Variants in CDC14A observed in about 807,000 individuals in gnomAD.
The protein encoded by CDC14A is cell division cycle 14A.
A neutral mutation model predicts 74.4 loss-of-function variants in CDC14A; 53 were observed. That is an observed-to-expected ratio of 0.71 (90% CI 0.57 to 0.89). The LOEUF is 0.89. CDC14A is among the 40% of genes least tolerant of loss of function. The probability of loss-of-function intolerance (pLI) is 0.00; values close to 1 mark genes in which losing one functional copy is unlikely to be tolerated. For synonymous variants in CDC14A, 247 were observed against 258.4 expected (o/e 0.96, Z 0.43); for missense variants, 646 against 713.7 (o/e 0.91, Z 1.08).
chr1:100,476,772 A>G (rs960632368), intron 10 of CDC14A, among the ~76,000 whole-genome samples: 11 of 152,178 alleles, frequency 7.2e-5, no homozygotes, highest in African/African-American at 2.4e-4. Context: ...TGGCAGTCTG[A>G]ATAATGTCTC....
intron 8 of CDC14A, among the ~76,000 whole-genome samples, chr1:100,461,546 TG>T (rs28364879): frequency 0.26 from 39,826 of 152,200 alleles, 7,556 homozygotes; most frequent in African/African-American, 0.54. Flanking sequence ...GGGTTACAGA[TG>T]TGGCCATCAG....
intron 15 of CDC14A, among the ~76,000 whole-genome samples, chr1:100,511,442 A>T (rs893336409): frequency 2.0e-5 from 3 of 151,826 alleles, no homozygotes; most frequent in Admixed American, 6.6e-5. Context: ...TAGTCCTTCT[A>T]CTCCTAAGCC....
At chr1:100,454,616 A>C (rs1405172570) in intron 7 of CDC14A, among the ~76,000 whole-genome samples, 1 of 152,178 alleles carries the variant, frequency 6.6e-6, no homozygotes, top group African/African-American at 2.4e-5. Context: ...TTTAGACTAG[A>C]GGCTGATAAC....
intron 4 of CDC14A, among the ~76,000 whole-genome samples, chr1:100,409,236 G>A (rs570662917): frequency 8.7e-4 from 133 of 152,214 alleles, no homozygotes; most frequent in African/African-American, 3.2e-3. Flanking sequence ...AACATAGCAC[G>A]GGAAAGACCT....
chr1:100,431,842 T>TAA (rs373735907), intron 5 of CDC14A, among the ~76,000 whole-genome samples: 15 of 143,534 alleles, frequency 1.0e-4, no homozygotes, highest in Non-Finnish European at 1.4e-4. Context: ...TCTCTGAAAT[T>TAA]AAAAAAAAAA....
In CDC14A at chr1:100,459,101, GCACACA is replaced by G. The variant is rs545033793; in HGVS notation, c.608-3529_608-3524del. On this transcript the variant is annotated intron_variant, in intron 8 of 15. Coordinates refer to ENST00000336454, the MANE Select transcript of CDC14A (RefSeq NM_003672.4). ...CTTCTATTTAAACACACACACACACGCACACACACACACACACACACACACAGAGAG... is the reference window on the plus strand; with the variant it reads ...CTTCTATTTAAACACACACACACACGCACACACACACACACACACAGAGAG... Among the ~76,000 whole-genome samples, 336 of 143,788 alleles carry G rather than the reference GCACACA, an allele frequency of 2.3e-3. 2 individuals are homozygous for G. Among genetic ancestry groups the G allele is most frequent in the Non-Finnish European group, 3.8e-3 (251 of 66,028 alleles). The allele number at this position is 143,788 out of a possible 152,430, so 94.3% of individuals were successfully genotyped here.
chr1:100,449,158 A>G (rs1665863778), intron 7 of CDC14A, among the ~76,000 whole-genome samples: 1 of 152,196 alleles, frequency 6.6e-6, no homozygotes, highest in African/African-American at 2.4e-5. Flanking sequence ...CTAGAAAGTG[A>G]TTTCACATTA....
chr1:100,471,228 G>A (rs549985222), intron 10 of CDC14A, among the ~76,000 whole-genome samples: 59 of 152,224 alleles, frequency 3.9e-4, no homozygotes, highest in Non-Finnish European at 1.6e-4. Flanking sequence ...ATTCTGTGGT[G>A]ATAGAAATCA....
chr1:100,477,096 A>C (rs867173698), intron 10 of CDC14A, among the ~76,000 whole-genome samples: 1 of 152,332 alleles, frequency 6.6e-6, no homozygotes, highest in Middle Eastern at 3.4e-3. Context: ...TTATCTCCTC[A>C]AAGCCTCCAT....
At chr1:100,412,595 G>A (rs1191607773) in intron 4 of CDC14A, among the ~76,000 whole-genome samples, 1 of 146,782 alleles carries the variant, frequency 6.8e-6, no homozygotes, top group African/African-American at 2.6e-5. Flanking sequence ...GTGAAGGGGG[G>A]CTGTTTTCTG....
upstream of CDC14A, among the ~76,000 whole-genome samples, chr1:100,352,274 A>G (rs1651148480): frequency 6.6e-6 from 1 of 152,084 alleles, no homozygotes. Flanking sequence ...CTGAACAGCA[A>G]TTGGTGGACG....
intron 10 of CDC14A, among the ~76,000 whole-genome samples, chr1:100,473,449 C>T (rs1049189643): frequency 6.6e-5 from 10 of 152,054 alleles, no homozygotes; most frequent in African/African-American, 2.2e-4. Context: ...TCCAATGGCA[C>T]GATCTTGGCT....
intron 2 of CDC14A, among the ~76,000 whole-genome samples, chr1:100,371,435 G>A (rs1654458799): frequency 6.6e-6 from 1 of 152,166 alleles, no homozygotes; most frequent in South Asian, 2.1e-4. Flanking sequence ...TTGTGGGTTT[G>A]TCATAGATGG....
intron 4 of CDC14A, among the ~76,000 whole-genome samples, chr1:100,396,148 A>T (rs1425149899): frequency 1.3e-5 from 2 of 152,212 alleles, no homozygotes; most frequent in Non-Finnish European, 2.9e-5. Context: ...AATATTTAAC[A>T]AGGGGTTAGG....
chr1:100,462,665 GC>G lies in CDC14A; in HGVS notation c.626del (p.Pro209LeufsTer13). 3.1e-6 allele frequency: 5 copies of G among 1,613,764 alleles called. No homozygotes were observed. The highest frequency in any genetic ancestry group is 4.2e-6 in the Non-Finnish European group (5 of 1,179,820). ...SKIENGYPLH[A>X]PEAYFPYFKK... is the part of the protein sequence containing the mutation. Reference sequence around the variant, plus strand: ...TGTTCCTTTAGGTTATCCTCTTCACGCCCCTGAAGCCTACTTTCCTTATTTC... The same window carrying G: ...TGTTCCTTTAGGTTATCCTCTTCACGCCCTGAAGCCTACTTTCCTTATTTC... On this transcript the variant is annotated frameshift_variant, in exon 9 of 16. Coordinates refer to ENST00000336454, the MANE Select transcript of CDC14A (RefSeq NM_003672.4). LOFTEE classifies it high-confidence loss of function.
chr1:100,440,981 C>T (rs1382836750), intron 6 of CDC14A, among the ~76,000 whole-genome samples: 1 of 152,124 alleles, frequency 6.6e-6, no homozygotes, highest in Non-Finnish European at 1.5e-5. Context: ...TCCAGTAATG[C>T]CAGTTAAGAG....
intron 11 of CDC14A, among the ~76,000 whole-genome samples, chr1:100,488,219 C>T (rs1388085262): frequency 2.0e-5 from 3 of 152,154 alleles, no homozygotes; most frequent in African/African-American, 7.2e-5. Flanking sequence ...CATGAAGTTA[C>T]TGTATGCCAG....
At chr1:100,436,341 A>G (rs1664339127) in intron 5 of CDC14A, among the ~76,000 whole-genome samples, 1 of 152,108 alleles carries the variant, frequency 6.6e-6, no homozygotes, top group Admixed American at 6.6e-5. Context: ...CATTTCCTTT[A>G]TCCTCACTTC....
chr1:100,374,609 C>T (rs2100939315), intron 2 of CDC14A, among the ~76,000 whole-genome samples: 1 of 152,190 alleles, frequency 6.6e-6, no homozygotes, highest in East Asian at 1.9e-4. Context: ...TTGGTGCCAC[C>T]TGTAATATAA....
Sources: gnomAD v4.1 joint callset for allele counts (sites outside exome capture counted in the v4.1 genomes callset) on GRCh38, gnomAD v4.1.1 for gene constraint, MANE v1.5 for transcripts, NCBI Gene and HGNC (gene_info 2026-07-23, HGNC 2026-07-21) for gene names.